Variants in NLN observed in about 807,000 individuals in gnomAD.
NLN encodes the protein neurolysin, also known as neurolysin, mitochondrial.
In NLN, 64 loss-of-function variants were observed where a neutral mutation model predicts 79.9. The observed-to-expected ratio is 0.80, with a 90% confidence interval of 0.65 to 0.99. The LOEUF is 0.99. NLN is among the 50% of genes least tolerant of loss of function. The pLI is 0.00. For synonymous variants in NLN, 267 were observed against 296.6 expected (o/e 0.90, Z 1.02); for missense variants, 835 against 858.7 (o/e 0.97, Z 0.34).
intron 6 of NLN, among the ~76,000 whole-genome samples, chr5:65,781,908 G>A (rs1391799352): frequency 6.6e-6 from 1 of 152,126 alleles, no homozygotes; most frequent in Non-Finnish European, 1.5e-5. Flanking sequence ...AGTTCTTCCT[G>A]GTTGTAGCTT....
At chr5:65,751,827 C>G (rs528973625) in intron 1 of NLN, among the ~76,000 whole-genome samples, 1 of 152,178 alleles carries the variant, frequency 6.6e-6, no homozygotes, top group Non-Finnish European at 1.5e-5. Flanking sequence ...CTTCCTTTGC[C>G]TAAACACTAT....
intron 7 of NLN, among the ~76,000 whole-genome samples, chr5:65,786,745 C>G (rs1235246633): frequency 3.3e-5 from 5 of 152,178 alleles, no homozygotes; most frequent in African/African-American, 1.2e-4. Context: ...GCCTGTAATT[C>G]TAGCTACTTG....
At chr5:65,776,759 G>A (rs1411583989) in intron 3 of NLN, among the ~76,000 whole-genome samples, 1 of 152,180 alleles carries the variant, frequency 6.6e-6, no homozygotes, top group Admixed American at 6.5e-5. Flanking sequence ...TTGAGTGAGT[G>A]TTGTTTGTGC....
intron 1 of NLN, among the ~76,000 whole-genome samples, chr5:65,756,480 C>T (rs1034475894): frequency 6.6e-6 from 1 of 152,082 alleles, no homozygotes; most frequent in Non-Finnish European, 1.5e-5. Context: ...ATCATGAGCC[C>T]CAATAGCTCT....
rs1200172867 is a variant in NLN at position 65,788,454 on chromosome 5, T to C, written c.1295T>C (p.Leu432Ser). 14 of 1,614,008 alleles carry C rather than the reference T, an allele frequency of 8.7e-6. No individual in the cohort carries two copies. The highest frequency in any genetic ancestry group is 1.2e-5 in the Non-Finnish European group (14 of 1,179,854). The change falls in exon 8 of 13, where the codon TTG becomes TCG. Residue 432 changes from leucine (L) to serine (S), a missense_variant. Transcript: ENST00000380985. The part of the protein sequence containing the change: ...TVKDKATGEV[L>S]GQFYLDLYPR... ...AAGGATAAAGCTACAGGAGAAGTATTGGGACAGTTCTATTTGGACCTCTAT... is the reference window on the plus strand; with the variant it reads ...AAGGATAAAGCTACAGGAGAAGTATCGGGACAGTTCTATTTGGACCTCTAT...
At chr5:65,723,600 G>A (rs1758373249) in intron 1 of NLN, among the ~76,000 whole-genome samples, 4 of 151,942 alleles carry the variant, frequency 2.6e-5, no homozygotes, top group Admixed American at 2.0e-4. Context: ...GGATCACGAG[G>A]TCAGGAGATC....
intron 1 of NLN, among the ~76,000 whole-genome samples, chr5:65,749,375 G>C (rs190970073): frequency 1.3e-3 from 199 of 152,304 alleles, no homozygotes; most frequent in African/African-American, 4.5e-3. Context: ...GCCCTTTGAG[G>C]ATCAAGGAGA....
chr5:65,806,520 G>A (rs896676262), intron 9 of NLN, among the ~76,000 whole-genome samples: 2 of 152,194 alleles, frequency 1.3e-5, no homozygotes, highest in African/African-American at 4.8e-5. Context: ...GAAACAGCAG[G>A]ACAACTAAAA....
At chr5:65,734,035 C>G (rs1758673379) in intron 1 of NLN, among the ~76,000 whole-genome samples, 1 of 138,736 alleles carries the variant, frequency 7.2e-6, no homozygotes, top group East Asian at 2.0e-4. Context: ...GTAGCTGGGA[C>G]TACAGGTGTC....
chr5:65,780,882 C>G (rs1759786222), intron 5 of NLN, among the ~76,000 whole-genome samples: 1 of 152,138 alleles, frequency 6.6e-6, no homozygotes, highest in East Asian at 1.9e-4. Flanking sequence ...CCATGTTGGC[C>G]AGAATGGTCT....
Position 65,758,780 on chromosome 5 carries a change from C to T in NLN, c.255C>T (p.Tyr85=), listed in dbSNP as rs184335492. Reference sequence around the variant, plus strand: ...TGCTCGGTATTGAGGAAGTAACTTACGAGAACTGTCTGCAGGCACTGGCAG... The same window carrying T: ...TGCTCGGTATTGAGGAAGTAACTTATGAGAACTGTCTGCAGGCACTGGCAG... The part of the protein sequence containing the change: ...VGMLGIEEVT[Y]ENCLQALADV... Residue 85 remains tyrosine (Y), a synonymous_variant, in exon 2 of 13, where the codon TAC becomes TAT. Transcript: ENST00000380985. 6.8e-5 allele frequency: 109 copies of T among 1,613,756 alleles called. No homozygotes were observed. Among genetic ancestry groups the T allele is most frequent in the Non-Finnish European group, 8.9e-5 (105 of 1,179,756 alleles).
chr5:65,752,046 C>A (rs997390744), intron 1 of NLN, among the ~76,000 whole-genome samples: 1 of 151,994 alleles, frequency 6.6e-6, no homozygotes, highest in African/African-American at 2.4e-5. Context: ...TCAAGACCAT[C>A]CTGGGCAACA....
chr5:65,773,616 C>A (rs552905757), intron 3 of NLN, among the ~76,000 whole-genome samples: 1 of 151,976 alleles, frequency 6.6e-6, no homozygotes, highest in South Asian at 2.1e-4. Context: ...AGTCATGAGA[C>A]GGAAGGTGGG....
intron 9 of NLN, among the ~76,000 whole-genome samples, chr5:65,794,262 A>C (rs1156973863): frequency 6.6e-6 from 1 of 152,208 alleles, no homozygotes; most frequent in Non-Finnish European, 1.5e-5. Context: ...ATCTCACTTC[A>C]ACTTACACAG....
intron 3 of NLN, among the ~76,000 whole-genome samples, chr5:65,769,754 C>A (rs1178060643): frequency 6.6e-6 from 1 of 152,136 alleles, no homozygotes; most frequent in Non-Finnish European, 1.5e-5. Context: ...AGTGGAGAAA[C>A]TGAAGCTCAG....
At position 65,778,928 on chromosome 5, in the gene NLN, G is replaced by T. The variant is rs1183779237; in HGVS notation, c.559-1251G>T. Among the ~76,000 whole-genome samples, 3 of 152,260 alleles carry T rather than the reference G, an allele frequency of 2.0e-5. No individual in the cohort carries two copies. In the South Asian group the frequency reaches 6.2e-4, roughly 32 times the overall value. On this transcript the variant is annotated intron_variant, in intron 4 of 12. Coordinates refer to ENST00000380985, the MANE Select transcript of NLN (RefSeq NM_020726.5). ...TCCCTTTTAGTCAATGGAATACGAG[G>T]CCTGGGTTATCTGAACAGTCCTGAG... is the stretch of plus-strand genomic sequence containing the variant.
intron 1 of NLN, among the ~76,000 whole-genome samples, chr5:65,739,535 T>G (rs932510270): frequency 6.6e-6 from 1 of 152,176 alleles, no homozygotes; most frequent in African/African-American, 2.4e-5. Context: ...TTCCCAGTAG[T>G]GGGATTGTTG....
chr5:65,724,895 G>A (rs866950527), intron 1 of NLN, among the ~76,000 whole-genome samples: 9 of 149,844 alleles, frequency 6.0e-5, no homozygotes, highest in Non-Finnish European at 1.3e-4. Context: ...GCCGCCTCCC[G>A]GGTTCACGCC....
In NLN at chr5:65,824,569, A is replaced by G. The variant is rs1760876718; in HGVS notation, c.*1654A>G. 6.6e-6 allele frequency: 1 copy of G among 152,186 alleles called. No homozygotes were observed. The highest frequency in any genetic ancestry group is 2.4e-5 in the African/African-American group (1 of 41,434). The allele number at this position is 152,186 out of a possible 1,614,324, so 9.4% of individuals were successfully genotyped here. On this transcript the variant is annotated 3_prime_UTR_variant, in exon 13 of 13. Coordinates refer to ENST00000380985, the MANE Select transcript of NLN (RefSeq NM_020726.5). ...TCAGTTTCAGACAAAAAAACTCTTC[A>G]GCTTTTTCCAGTGTGTCTCCTTAAC...
Sources: allele counts gnomAD v4.1 joint callset (sites outside exome capture counted in the v4.1 genomes callset), GRCh38; gene constraint gnomAD v4.1.1; transcripts MANE v1.5; gene names NCBI Gene and HGNC (gene_info 2026-07-23, HGNC 2026-07-21).